SENP6: variants seen among roughly 807,000 people sequenced by gnomAD.
The protein encoded by SENP6 is SUMO specific peptidase 6.
In SENP6, 41 loss-of-function variants were observed where a neutral mutation model predicts 134.5. The ratio of observed to expected loss-of-function variants is 0.30; its 90% CI spans 0.24 to 0.40. The LOEUF (loss-of-function observed/expected upper bound fraction) is 0.40, where lower values mean the gene tolerates loss of function less well. SENP6 is among the 10% of genes least tolerant of loss of function. SENP6 has a pLI of 1.00. For synonymous variants in SENP6, 395 were observed against 429.8 expected, an observed-to-expected ratio of 0.92 and a Z score of 1.00; for missense variants, 1,248 against 1,312.5, an observed-to-expected ratio of 0.95 and a Z score of 0.76.
chr6:75,711,110 T>C (rs1582914042), intron 20 of SENP6, among the ~76,000 whole-genome samples: 1 of 152,224 alleles, frequency 6.6e-6, no homozygotes, highest in Non-Finnish European at 1.5e-5. Context: ...CAATTTGTTA[T>C]AAACCTCTGG....
chr6:75,632,816 A>G (rs1188871048), intron 3 of SENP6, among the ~76,000 whole-genome samples: 2 of 152,226 alleles, frequency 1.3e-5, no homozygotes, highest in Admixed American at 6.5e-5. Context: ...AATTTTAAAA[A>G]CTTATTTACA....
chr6:75,678,770 T>G, intron 15 of SENP6, 41 bp from the exon 16 acceptor site: 1 of 1,376,344 alleles, frequency 7.3e-7, no homozygotes, highest in East Asian at 2.3e-5. Flanking sequence ...TGTATATATA[T>G]ATAGATTTGT....
chr6:75,709,449 T>A (rs974814581), intron 19 of SENP6, 78 bp from the exon 20 acceptor site: 2 of 886,838 alleles, frequency 2.3e-6, no homozygotes, highest in Non-Finnish European at 3.6e-6. Context: ...AATTAACTAC[T>A]AGCATTAATT....
intron 7 of SENP6, among the ~76,000 whole-genome samples, chr6:75,651,417 T>C (rs560607039): frequency 1.7e-4 from 26 of 152,312 alleles, no homozygotes; most frequent in South Asian, 8.3e-4. Context: ...TACAGTGACA[T>C]GATTATGGCT....
chr6:75,637,903 C>G (rs1000645064), intron 5 of SENP6, among the ~76,000 whole-genome samples: 1 of 152,062 alleles, frequency 6.6e-6, no homozygotes, highest in African/African-American at 2.4e-5. Flanking sequence ...TTCTACTGCC[C>G]ATGCTGGAGT....
intron 7 of SENP6, among the ~76,000 whole-genome samples, chr6:75,649,480 T>C (rs1770703459): frequency 6.6e-6 from 1 of 152,142 alleles, no homozygotes; most frequent in African/African-American, 2.4e-5. Context: ...AGAGCATGCT[T>C]ATTTACTGTT....
chr6:75,694,348 A>G (rs1410224364), intron 16 of SENP6, among the ~76,000 whole-genome samples: 2 of 152,226 alleles, frequency 1.3e-5, no homozygotes, highest in African/African-American at 2.4e-5. Flanking sequence ...TTTATTTTCT[A>G]TTTTCATAAA....
chr6:75,626,859 G>A (rs1343053571), intron 3 of SENP6, among the ~76,000 whole-genome samples: 2 of 152,068 alleles, frequency 1.3e-5, no homozygotes, highest in East Asian at 3.9e-4. Context: ...TGTATTTACA[G>A]TGTAAGAATT....
rs577358836 is a variant in SENP6, at chr6:75,717,205, A to T, written c.*1611A>T. The T allele has an allele frequency of 6.6e-6, 1 of 152,198 alleles. No individual in the cohort carries two copies. The highest frequency in any genetic ancestry group is 2.4e-5 in the African/African-American group (1 of 41,580). 9.4% of individuals were successfully genotyped at this position (152,198 alleles called of 1,614,324 possible). On this transcript the variant is annotated 3_prime_UTR_variant, in exon 24 of 24. Coordinates refer to ENST00000447266, the MANE Select transcript of SENP6 (RefSeq NM_015571.4). ...CAAAATGCTTTTCAATCTATAATAA[A>T]ACTGGGATAAAAAATTGAAGTTGTT...
At chr6:75,652,698 A>AAAG (rs1554166654) in intron 7 of SENP6, among the ~76,000 whole-genome samples, 150 of 148,692 alleles carry the variant, frequency 1.0e-3, no homozygotes, top group African/African-American at 3.7e-3. Context: ...AAAAAAAAAA[A>AAAG]AAAAAGAAAA....
rs192547789 is a variant in SENP6, at chr6:75,676,146, A to G, written c.1621+92A>G. 2.2e-5 allele frequency: 17 copies of G among 760,150 alleles called. No individual in the cohort carries two copies. In the East Asian group the frequency reaches 2.9e-4, roughly 13 times the overall value. The allele number at this position is 760,150 out of a possible 1,614,324, so 47.1% of individuals were successfully genotyped here. On this transcript the variant is annotated intron_variant, in intron 13 of 23. Coordinates refer to ENST00000447266, the MANE Select transcript of SENP6 (RefSeq NM_015571.4). Reference sequence around the variant, plus strand: ...GCAAAATGTGAGTGCACTTTGACAGATGCCTTAGGTGTATATTATCTACAA... The same window carrying G: ...GCAAAATGTGAGTGCACTTTGACAGGTGCCTTAGGTGTATATTATCTACAA...
intron 1 of SENP6, among the ~76,000 whole-genome samples, chr6:75,614,327 G>A (rs547439748): frequency 2.7e-5 from 4 of 150,708 alleles, no homozygotes; most frequent in Admixed American, 6.6e-5. Flanking sequence ...GTGCTGTGGC[G>A]CATTCTCAGC....
intron 5 of SENP6, among the ~76,000 whole-genome samples, chr6:75,639,435 A>AT: frequency 6.6e-6 from 1 of 151,820 alleles, no homozygotes; most frequent in South Asian, 2.1e-4. Context: ...AAGTTACTAT[A>AT]TTTTTTTTCT....
At position 75,717,749 on chromosome 6, in the gene SENP6, T is replaced by TA. The variant is rs1776082597; in HGVS notation, c.*2156dup. 6.6e-6 allele frequency: 1 copy of TA among 152,220 alleles called. No homozygotes were observed. Among genetic ancestry groups the TA allele is most frequent in the Admixed American group, 6.5e-5 (1 of 15,286 alleles). The allele number at this position is 152,220 out of a possible 1,614,324, so 9.4% of individuals were successfully genotyped here. A position where few individuals can be genotyped will look rare whatever the true frequency, so the allele number is the denominator to read the frequency against. ...TAAAACAGAACTTATAGAGGTTTGT[T>TA]ACTAGACACTGAAACTGCATGACAA... is the stretch of plus-strand genomic sequence containing the variant. On this transcript the variant is annotated 3_prime_UTR_variant, in exon 24 of 24. Coordinates refer to ENST00000447266, the MANE Select transcript of SENP6 (RefSeq NM_015571.4).
intron 23 of SENP6, 61 bp downstream of exon 23, chr6:75,713,886 C>T (rs1426636544): frequency 1.6e-6 from 2 of 1,240,048 alleles, no homozygotes. Context: ...TTGACTTTAC[C>T]TTAGTAAAAA....
intron 7 of SENP6, among the ~76,000 whole-genome samples, chr6:75,658,974 CAAAAAAAAAAAAAAAA>C (rs35016433): frequency 1.1e-4 from 8 of 71,942 alleles, no homozygotes; most frequent in Non-Finnish European, 1.4e-4. Flanking sequence ...CTTGTCTCCC[CAAAAAAAAAAAAAAAA>C]AAAAAAAAAA....
At chr6:75,705,243 A>C (rs1775308397) in intron 19 of SENP6, among the ~76,000 whole-genome samples, 1 of 152,180 alleles carries the variant, frequency 6.6e-6, no homozygotes, top group South Asian at 2.1e-4. Context: ...CTGTAGTTGT[A>C]GAACCTGTTA....
rs1039612209 is a variant in SENP6, at chr6:75,690,604, T to C, written c.2076-5200T>C. Among the ~76,000 whole-genome samples the C allele has an allele frequency of 3.3e-5, 5 of 152,332 alleles. No individual in the cohort carries two copies. In the South Asian group the frequency reaches 8.3e-4, roughly 25 times the overall value. On this transcript the variant is annotated intron_variant, in intron 16 of 23. Transcript: ENST00000447266. ...AAACAAAGTTACTGGAGATCTGTTT[T>C]TAACACTGTGCATATACTTTACACT...
intron 1 of SENP6, among the ~76,000 whole-genome samples, chr6:75,619,826 C>T (rs1268560485): frequency 6.6e-6 from 1 of 152,056 alleles, no homozygotes; most frequent in Non-Finnish European, 1.5e-5. Flanking sequence ...CAGGGTGGCT[C>T]ACACCTGTAT....
Sources: gnomAD v4.1 joint callset for allele counts (sites outside exome capture counted in the v4.1 genomes callset) on GRCh38, gnomAD v4.1.1 for gene constraint, MANE v1.5 for transcripts, NCBI Gene and HGNC (gene_info 2026-07-23, HGNC 2026-07-21) for gene names.